Variants in RFTN1 observed in about 807,000 individuals in gnomAD.
The protein encoded by RFTN1 is raftlin, lipid raft linker 1.
In RFTN1, 26 loss-of-function variants were observed where a neutral mutation model predicts 46.5. The ratio of observed to expected loss-of-function variants is 0.56; its 90% confidence interval spans 0.41 to 0.78. The LOEUF (loss-of-function observed/expected upper bound fraction) is 0.78, where lower values mean the gene tolerates loss of function less well. Ranked by LOEUF, RFTN1 falls within the 30% of genes least tolerant of loss-of-function variation. RFTN1 has a pLI of 0.00. For synonymous variants in RFTN1, 261 were observed against 284.2 expected (o/e 0.92, Z 0.82); for missense variants, 693 against 718.7 (o/e 0.96, Z 0.41).
In RFTN1 at chr3:16,400,102, C is replaced by A. The variant is rs1409683478; in HGVS notation, c.441+9273G>T. 6.6e-6 allele frequency among the ~76,000 whole-genome samples: 1 copy of A among 152,198 alleles called. No homozygotes were observed. The highest frequency in any genetic ancestry group is 1.5e-5 in the Non-Finnish European group (1 of 68,040). ...GCTGCTCCTGAAAGCCCTCCAGCAG[C>A]TTTGCACTACACTTAGGATAAAGGG... is the stretch of plus-strand genomic sequence containing the variant. On this transcript the variant is annotated intron_variant, in intron 4 of 9. Transcript: ENST00000334133. The surrounding 1 kb of genome is among the most constrained non-coding windows in gnomAD (Gnocchi z 4.5).
At chr3:16,372,796 C>A (rs2073574941) in intron 5 of RFTN1, among the ~76,000 whole-genome samples, 1 of 152,218 alleles carries the variant, frequency 6.6e-6, no homozygotes, top group South Asian at 2.1e-4. Flanking sequence ...CCGGCTTGAT[C>A]CTCCCCAGGG....
At chr3:16,471,367 G>A (rs1359131114) in intron 2 of RFTN1, among the ~76,000 whole-genome samples, 1 of 152,172 alleles carries the variant, frequency 6.6e-6, no homozygotes, top group Admixed American at 6.5e-5. Flanking sequence ...CCTCATGACA[G>A]AGAAGCTTTC....
At chr3:16,494,213 AAAAATGGAATCT>A (rs1179550842) in intron 1 of RFTN1, among the ~76,000 whole-genome samples, 2 of 152,200 alleles carry the variant, frequency 1.3e-5, no homozygotes, top group African/African-American at 2.4e-5. Context: ...TCCATGAATA[AAAAATGGAATCT>A]AAAAAGCAAT....
chr3:16,372,183 G>A (rs2073539699), intron 5 of RFTN1, among the ~76,000 whole-genome samples: 1 of 152,224 alleles, frequency 6.6e-6, no homozygotes, highest in African/African-American at 2.4e-5. Flanking sequence ...GAGTAGGAAT[G>A]GGCAACAGGA....
chr3:16,355,207 T>C (rs1189164732), intron 7 of RFTN1, among the ~76,000 whole-genome samples: 1 of 152,204 alleles, frequency 6.6e-6, no homozygotes, highest in African/African-American at 2.4e-5. Context: ...CGTCTACCCA[T>C]TACCCTGTTC....
chr3:16,416,340 GAGCCCCGTTAAGTTTTAAAA>G (rs141053282), intron 3 of RFTN1: 4,164 of 357,178 alleles, frequency 0.012, 161 homozygotes, highest in African/African-American at 0.081. Context: ...TAAGACATCT[GAGCCCCGTTAAGTTTTAAAA>G]AGCCATCACA....
rs886164619 is a variant in RFTN1, at chr3:16,356,338, C to G, written c.1146+1594G>C. Among the ~76,000 whole-genome samples, 4 of 152,170 alleles carry G rather than the reference C, an allele frequency of 2.6e-5. No individual in the cohort carries two copies. The highest frequency in any genetic ancestry group is 5.9e-5 in the Non-Finnish European group (4 of 68,026). ...TCTCACACCAGGCTGTCACCTGGTT[C>G]CTGACTTCCCTCAGGACTTCTGGCC... On this transcript the variant is annotated intron_variant, in intron 7 of 9. Transcript: ENST00000334133. The surrounding 1 kb of genome is among the most constrained non-coding windows in gnomAD (Gnocchi z 4.9).
In RFTN1 at chr3:16,486,894, A is replaced by T. The variant is rs558945505; in HGVS notation, c.145+6831T>A. 3.0e-4 allele frequency among the ~76,000 whole-genome samples: 46 copies of T among 152,350 alleles called. No individual in the cohort carries two copies. The Middle Eastern group carries it at 0.01, about 34-fold the overall frequency. On this transcript the variant is annotated intron_variant, in intron 2 of 9. Transcript: ENST00000334133. ...TAAGGATGGGGCACAACGTGATGGG[A>T]CTAGTGTCCTTACAAGATGAGACAC...
rs2075643004 is a variant in RFTN1 at position 16,442,342 on chromosome 3, GA to G, written c.146-8306del. Among the ~76,000 whole-genome samples, 1 of 151,800 alleles carries G rather than the reference GA, an allele frequency of 6.6e-6. No homozygotes were observed. The highest frequency in any genetic ancestry group is 1.5e-5 in the Non-Finnish European group (1 of 67,964). On this transcript the variant is annotated intron_variant, in intron 2 of 9. Transcript: ENST00000334133. This position sits in a 1 kb window ranked among gnomAD's most constrained non-coding sequence, Gnocchi z 4.1. ...TGAAACATTTTCATCACCCCCAAAG[GA>G]AACTCCATGTCCATTAAGCAGTTAC...
intron 1 of RFTN1, among the ~76,000 whole-genome samples, chr3:16,495,619 C>T (rs1335021605): frequency 6.6e-6 from 1 of 152,166 alleles, no homozygotes; most frequent in Non-Finnish European, 1.5e-5. Context: ...GAGATGGAGG[C>T]ACAGCAAGAG....
In RFTN1 at chr3:16,384,950, G is replaced by T. The variant is rs1286065559; in HGVS notation, c.442-6848C>A. Among the ~76,000 whole-genome samples the T allele has an allele frequency of 6.6e-6, 1 of 151,968 alleles. No individual in the cohort carries two copies. Among genetic ancestry groups the T allele is most frequent in the East Asian group, 1.9e-4 (1 of 5,174 alleles). ...AAATCACATAAAATACTGAATAATA[G>T]AGTTTTTGACAGTGATTTCTGAGGC... On this transcript the variant is annotated intron_variant, in intron 4 of 9. Transcript: ENST00000334133. This position sits in a 1 kb window ranked among gnomAD's most constrained non-coding sequence, Gnocchi z 4.7.
rs1469992633 is a variant in RFTN1 at position 16,448,378 on chromosome 3, G to T, written c.146-14341C>A. On this transcript the variant is annotated intron_variant, in intron 2 of 9. Coordinates refer to ENST00000334133, the MANE Select transcript of RFTN1 (RefSeq NM_015150.2). This position sits in a 1 kb window ranked among gnomAD's most constrained non-coding sequence, Gnocchi z 4.1. ...AGTCCAAAAAAAAACATGATCCCTT[G>T]TTGACTTTTATGGAGGTGCCAATTT... 6.6e-6 allele frequency among the ~76,000 whole-genome samples: 1 copy of T among 152,010 alleles called. No individual in the cohort carries two copies. Among genetic ancestry groups the T allele is most frequent in the Non-Finnish European group, 1.5e-5 (1 of 68,000 alleles).
chr3:16,333,580 T>A (rs2070539830), intron 7 of RFTN1, among the ~76,000 whole-genome samples: 1 of 152,254 alleles, frequency 6.6e-6, no homozygotes, highest in Non-Finnish European at 1.5e-5. Context: ...ATTATTTTAA[T>A]GTTTAAAGTG....
In RFTN1 at chr3:16,466,029, A is replaced by T. The variant is rs2124937688; in HGVS notation, c.145+27696T>A. 6.6e-6 allele frequency among the ~76,000 whole-genome samples: 1 copy of T among 152,344 alleles called. No individual in the cohort carries two copies. Among genetic ancestry groups the T allele is most frequent in the South Asian group, 2.1e-4 (1 of 4,832 alleles). ...AACTTAGCTCACATTTCTTTGAATG[A>T]GCCATTTAAATGCCCATCACTCCAC... On this transcript the variant is annotated intron_variant, in intron 2 of 9. Transcript: ENST00000334133. The surrounding 1 kb of genome is among the most constrained non-coding windows in gnomAD (Gnocchi z 5.6).
Position 16,316,655 on chromosome 3 carries a change from A to C in RFTN1, c.*173T>G. 3 of 728,634 alleles carry C rather than the reference A, an allele frequency of 4.1e-6. No individual in the cohort carries two copies. The highest frequency in any genetic ancestry group is 1.7e-5 in the South Asian group (1 of 59,408). 45.1% of individuals were successfully genotyped at this position (728,634 alleles called of 1,614,324 possible). A position where few individuals can be genotyped will look rare whatever the true frequency, so the allele number is the denominator to read the frequency against. Reference sequence around the variant, plus strand: ...CTTTCCAGTGGATGTGCAAAAACCAACACTGTCAGGAACCTGGCCCTGGGA... The same window carrying C: ...CTTTCCAGTGGATGTGCAAAAACCACCACTGTCAGGAACCTGGCCCTGGGA... On this transcript the variant is annotated 3_prime_UTR_variant, in exon 10 of 10. Transcript: ENST00000334133. This position sits in a 1 kb window ranked among gnomAD's most constrained non-coding sequence, Gnocchi z 4.5.
At chr3:16,319,615 C>G (rs986290762) in intron 9 of RFTN1, among the ~76,000 whole-genome samples, 10 of 152,330 alleles carry the variant, frequency 6.6e-5, no homozygotes, top group African/African-American at 2.4e-4. Flanking sequence ...GCTGCTCTTG[C>G]TAAATAACAG....
chr3:16,454,638 C>T, intron 2 of RFTN1: 3 of 381,292 alleles, frequency 7.9e-6, no homozygotes, highest in African/African-American at 4.4e-5. Flanking sequence ...AGACACAAAT[C>T]TCTCCTTTCT....
intron 6 of RFTN1, 130 bp from the exon 7 acceptor site, chr3:16,358,177 T>G (rs1183760883): frequency 7.9e-6 from 5 of 633,968 alleles, no homozygotes; most frequent in African/African-American, 3.6e-5. Context: ...AGCATGTTAA[T>G]TAAAGAAGGC....
chr3:16,436,411 C>A (rs890730024), intron 2 of RFTN1, among the ~76,000 whole-genome samples: 1 of 150,202 alleles, frequency 6.7e-6, no homozygotes, highest in African/African-American at 2.5e-5. Context: ...GGCTGGAGTG[C>A]GGTGGTGCTA....
Sources: allele counts gnomAD v4.1 joint callset (sites outside exome capture counted in the v4.1 genomes callset), GRCh38; gene constraint gnomAD v4.1.1; non-coding constraint Gnocchi (gnomAD v3.1); transcripts MANE v1.5; gene names NCBI Gene and HGNC (gene_info 2026-07-23, HGNC 2026-07-21).